Variants in KDM5A observed in about 807,000 individuals in gnomAD.
KDM5A encodes lysine-specific demethylase 5A.
A neutral mutation model predicts 193.5 loss-of-function variants in KDM5A; 42 were observed. That is an observed-to-expected ratio of 0.22 (90% CI 0.17 to 0.28). The LOEUF is 0.28. Ranked by LOEUF, KDM5A falls within the 10% of genes least tolerant of loss-of-function variation. The probability of loss-of-function intolerance (pLI) is 1.00; values close to 1 mark genes in which losing one functional copy is unlikely to be tolerated. For synonymous variants in KDM5A, 796 were observed against 718.1 expected (o/e 1.11, Z -1.73); for missense variants, 1,692 against 2,055.1 (o/e 0.82, Z 3.42).
chr12:336,859 C>T (rs867949518), intron 10 of KDM5A, among the ~76,000 whole-genome samples: 101 of 151,138 alleles, frequency 6.7e-4, no homozygotes, highest in African/African-American at 2.3e-3. Context: ...AGTTACAATA[C>T]AAGGTAACAT....
chr12:356,585 C>A, intron 5 of KDM5A, 48 bp from the exon 6 acceptor site: 1 of 1,215,830 alleles, frequency 8.2e-7, no homozygotes. Flanking sequence ...CTGATTCATG[C>A]ATTAATTTTT....
At chr12:381,630 T>C (rs538399845) in intron 3 of KDM5A, among the ~76,000 whole-genome samples, 9 of 152,278 alleles carry the variant, frequency 5.9e-5, no homozygotes, top group South Asian at 2.1e-4. Context: ...TAGGTTTTCA[T>C]ATAACTATAC....
chr12:352,363 T>C, intron 8 of KDM5A, 39 bp from the exon 9 acceptor site: 1 of 1,589,968 alleles, frequency 6.3e-7, no homozygotes, highest in East Asian at 2.2e-5. Context: ...TTACTGAAAC[T>C]AAACTGAAGA....
At chr12:388,054 A>C (rs932235250) in intron 1 of KDM5A, among the ~76,000 whole-genome samples, 1 of 152,156 alleles carries the variant, frequency 6.6e-6, no homozygotes, top group African/African-American at 2.4e-5. Flanking sequence ...TTCCACAACA[A>C]GACTAGAGAT....
At chr12:329,217 G>C (rs1943832330) in intron 13 of KDM5A, 188 bp from the exon 14 acceptor site, 2 of 602,720 alleles carry the variant, frequency 3.3e-6, no homozygotes, top group South Asian at 4.0e-5. Context: ...AGTTTCAAAG[G>C]CTTTCCCACA....
At chr12:315,028 A>G (rs1377044003) in intron 19 of KDM5A, among the ~76,000 whole-genome samples, 1 of 152,344 alleles carries the variant, frequency 6.6e-6, no homozygotes, top group Admixed American at 6.5e-5. Flanking sequence ...GTATTTTAAC[A>G]AAGTACTAGT....
intron 8 of KDM5A, among the ~76,000 whole-genome samples, chr12:353,213 T>C (rs1482993073): frequency 6.6e-6 from 1 of 151,688 alleles, no homozygotes; most frequent in East Asian, 2.0e-4. Context: ...CGTGGTGGCA[T>C]ACATCTGTAG....
intron 18 of KDM5A, among the ~76,000 whole-genome samples, chr12:320,087 A>C (rs1943697844): frequency 6.6e-6 from 1 of 152,244 alleles, no homozygotes; most frequent in Non-Finnish European, 1.5e-5. Flanking sequence ...GTGGTGTCAC[A>C]GGGGCTTAAA....
At chr12:363,865 T>G (rs529455922) in intron 4 of KDM5A, among the ~76,000 whole-genome samples, 1 of 144,280 alleles carries the variant, frequency 6.9e-6, no homozygotes, top group East Asian at 2.1e-4. Context: ...GATAAAGGAG[T>G]TGTACACAAA....
intron 10 of KDM5A, among the ~76,000 whole-genome samples, chr12:342,331 G>A (rs1410753852): frequency 1.3e-5 from 2 of 152,044 alleles, no homozygotes; most frequent in South Asian, 2.1e-4. Context: ...TCTCAATTCA[G>A]CTTTACAAAT....
At chr12:332,076 AATG>A in intron 12 of KDM5A, 138 bp from the exon 13 acceptor site, 3 of 773,478 alleles carry the variant, frequency 3.9e-6, no homozygotes, top group Non-Finnish European at 6.4e-6. Context: ...CATATCAGAA[AATG>A]ATATCAGAAA....
intron 24 of KDM5A, among the ~76,000 whole-genome samples, chr12:298,800 T>C (rs1413830517): frequency 6.6e-6 from 1 of 151,898 alleles, no homozygotes; most frequent in Non-Finnish European, 1.5e-5. Context: ...CTAAGAACCT[T>C]CAGGAAAGGT....
chr12:286,037 AGAAAG>A (rs1175961908), intron 27 of KDM5A: 2 of 407,374 alleles, frequency 4.9e-6, no homozygotes, highest in African/African-American at 4.2e-5. Context: ...TTATCAATCA[AGAAAG>A]GAAGAGTACA....
chr12:328,707 A>T, intron 14 of KDM5A, 128 bp downstream of exon 14: 1 of 793,110 alleles, frequency 1.3e-6, no homozygotes, highest in Non-Finnish European at 2.0e-6. Context: ...AAAATATAAA[A>T]TCTTCTCCAA....
intron 4 of KDM5A, among the ~76,000 whole-genome samples, chr12:363,306 A>AT (rs1565547006): frequency 6.6e-6 from 1 of 152,222 alleles, no homozygotes; most frequent in Non-Finnish European, 1.5e-5. Context: ...ATTTGGAAAT[A>AT]TAAGTTGTTT....
intron 7 of KDM5A, among the ~76,000 whole-genome samples, chr12:354,691 CGA>C (rs1332956887): frequency 6.6e-6 from 1 of 151,790 alleles, no homozygotes; most frequent in African/African-American, 2.4e-5. Flanking sequence ...GGCATGAGCC[CGA>C]GAGGTGGAGC....
At chr12:335,808 G>T (rs191176535) in intron 10 of KDM5A, among the ~76,000 whole-genome samples, 1 of 151,502 alleles carries the variant, frequency 6.6e-6, no homozygotes, top group African/African-American at 2.4e-5. Context: ...TTGGGAGGGT[G>T]AGGTGGGTAG....
intron 3 of KDM5A, among the ~76,000 whole-genome samples, chr12:374,458 T>G (rs1173901441): frequency 6.6e-6 from 1 of 152,228 alleles, no homozygotes; most frequent in Non-Finnish European, 1.5e-5. Flanking sequence ...ATTTTGAGCC[T>G]GTGTGTGTCT....
chr12:326,721 C>T (rs562232702), intron 14 of KDM5A, among the ~76,000 whole-genome samples: 5 of 151,918 alleles, frequency 3.3e-5, no homozygotes, highest in East Asian at 1.9e-4. Context: ...ATTAGCCGGG[C>T]GTGGTGGCAG....
Sources: allele counts gnomAD v4.1 joint callset (sites outside exome capture counted in the v4.1 genomes callset), GRCh38; gene constraint gnomAD v4.1.1; transcripts MANE v1.5; gene names NCBI Gene and HGNC (gene_info 2026-07-23, HGNC 2026-07-21).